Variants in RPA1 observed in about 807,000 individuals in gnomAD.
The protein encoded by RPA1 is replication protein A 70 kDa DNA-binding subunit.
A neutral mutation model predicts 83.0 loss-of-function variants in RPA1; 49 were observed. The observed-to-expected ratio is 0.59, with a 90% CI of 0.47 to 0.75. RPA1 has a LOEUF of 0.75. Among genes scored for constraint, RPA1 ranks in the 30% least tolerant of loss-of-function variants. The probability of loss-of-function intolerance (pLI) is 0.00; values close to 1 mark genes in which losing one functional copy is unlikely to be tolerated. For synonymous variants in RPA1, 279 were observed against 281.8 expected (o/e 0.99, Z 0.10); for missense variants, 693 against 776.1 (o/e 0.89, Z 1.27).
chr17:1,847,524 G>GT (rs894118897), intron 4 of RPA1, among the ~76,000 whole-genome samples: 1 of 152,206 alleles, frequency 6.6e-6, no homozygotes, highest in Admixed American at 6.5e-5. Context: ...CTGAGAGCCT[G>GT]TGTGTGCGGC....
chr17:1,868,044 G>C (rs996584431), intron 5 of RPA1, among the ~76,000 whole-genome samples: 24 of 152,024 alleles, frequency 1.6e-4, no homozygotes, highest in African/African-American at 5.6e-4. Flanking sequence ...TGATCATGCC[G>C]CTGTACTCCA....
At chr17:1,885,141 G>C (rs962012065) in intron 13 of RPA1, among the ~76,000 whole-genome samples, 1 of 152,192 alleles carries the variant, frequency 6.6e-6, no homozygotes, top group Non-Finnish European at 1.5e-5. Context: ...TATCAGCCAA[G>C]CTTATGCAAA....
chr17:1,836,326 T>A (rs1911820972), intron 1 of RPA1, among the ~76,000 whole-genome samples: 1 of 152,020 alleles, frequency 6.6e-6, no homozygotes, highest in Admixed American at 6.6e-5. Flanking sequence ...GCCAGGCTGG[T>A]CTCGAACTCC....
At chr17:1,881,072 T>C (rs1913778268) in intron 12 of RPA1, among the ~76,000 whole-genome samples, 1 of 152,186 alleles carries the variant, frequency 6.6e-6, no homozygotes, top group African/African-American at 2.4e-5. Flanking sequence ...GTCAAGTCTT[T>C]GGTGCCGATC....
intron 5 of RPA1, among the ~76,000 whole-genome samples, chr17:1,863,528 A>AT (rs889772971): frequency 2.0e-5 from 3 of 151,914 alleles, no homozygotes; most frequent in African/African-American, 7.3e-5. Flanking sequence ...TACTTTTTAT[A>AT]TTTTTTTGTA....
chr17:1,847,895 G>A (rs1235969382), intron 4 of RPA1, among the ~76,000 whole-genome samples: 2 of 151,764 alleles, frequency 1.3e-5, no homozygotes, highest in African/African-American at 4.8e-5. Context: ...TGGCGGGTGC[G>A]GCCTGTAATC....
intron 5 of RPA1, among the ~76,000 whole-genome samples, chr17:1,858,656 G>A (rs905318330): frequency 2.6e-5 from 4 of 151,672 alleles, no homozygotes; most frequent in East Asian, 1.9e-4. Flanking sequence ...GTAGAGACGC[G>A]GTTTTGCCAT....
At chr17:1,876,344 C>G (rs542323983) in intron 7 of RPA1, among the ~76,000 whole-genome samples, 10 of 152,252 alleles carry the variant, frequency 6.6e-5, no homozygotes, top group South Asian at 2.1e-4. Flanking sequence ...CACCTGAGGT[C>G]GGGAGTTTGA....
chr17:1,837,701 T>C (rs984560436), intron 1 of RPA1, among the ~76,000 whole-genome samples: 1 of 152,224 alleles, frequency 6.6e-6, no homozygotes, highest in Non-Finnish European at 1.5e-5. Context: ...TTTCGTGGGC[T>C]TACTGGCCAT....
At position 1,879,403 on chromosome 17, in the gene RPA1, T is replaced by C; in HGVS notation, c.948T>C (p.Leu316=). The C allele has an allele frequency of 1.9e-6, 3 of 1,613,948 alleles. No homozygotes were observed. The highest frequency in any genetic ancestry group is 2.5e-6 in the Non-Finnish European group (3 of 1,179,864). ...TCGAGAACAAGTCGAAAGACTCACTTGTAGGTAAGCTCGTGTATGAGAAGG... is the reference window on the plus strand; with the variant it reads ...TCGAGAACAAGTCGAAAGACTCACTCGTAGGTAAGCTCGTGTATGAGAAGG... ...DDLENKSKDS[L]VDIIGICKSY... is the part of the protein sequence containing the mutation. Residue 316 remains leucine, a synonymous_variant, in exon 10 of 17, where the codon CTT becomes CTC. Transcript: ENST00000254719.
In RPA1 at chr17:1,895,052, G is replaced by C. The variant is rs556414801; in HGVS notation, c.1703G>C (p.Arg568Pro). The C allele has an allele frequency of 6.2e-7, 1 of 1,613,580 alleles. No homozygotes were observed. Among genetic ancestry groups the C allele is most frequent in the Non-Finnish European group, 8.5e-7 (1 of 1,179,726 alleles). ...GAAGTTTTCCAGAATGCCAACTTCC[G>C]ATCTTTCATATTCAGAGTCAGGGTC... ...FEEVFQNANFRSFIFRVRVKV... is the reference protein window; with the variant it reads ...FEEVFQNANFPSFIFRVRVKV... The change falls in exon 16 of 17, where the codon CGA (arginine) becomes CCA (proline). Residue 568 changes from arginine (R) to proline (P), a missense_variant. Transcript: ENST00000254719.
intron 1 of RPA1, 41 bp downstream of exon 1, chr17:1,830,167 C>T (rs575462309): frequency 1.3e-5 from 16 of 1,219,238 alleles, no homozygotes; most frequent in Middle Eastern, 2.7e-4. Flanking sequence ...TCCGGGGTGG[C>T]TGCGGCCCCG....
At position 1,840,848 on chromosome 17, in the gene RPA1, C is replaced by T. The variant is rs1912019761; in HGVS notation, c.34-1955C>T. Among the ~76,000 whole-genome samples, 2 of 152,000 alleles carry T rather than the reference C, an allele frequency of 1.3e-5. 1 individual carries two copies. Among genetic ancestry groups the T allele is most frequent in the Admixed American group, 1.3e-4 (2 of 15,262 alleles). ...TTGGGAGGCTGAGGCGGGCAGATCA[C>T]CAGAGGTCAGGAGTTTGAGACCAGC... On this transcript the variant is annotated intron_variant, in intron 1 of 16. Coordinates refer to ENST00000254719, the MANE Select transcript of RPA1 (RefSeq NM_002945.5).
chr17:1,884,193 G>T lies in RPA1; in HGVS notation c.1374+249G>T, dbSNP rs138905873. 6.6e-6 allele frequency among the ~76,000 whole-genome samples: 1 copy of T among 152,168 alleles called. No homozygotes were observed. Among genetic ancestry groups the T allele is most frequent in the African/African-American group, 2.4e-5 (1 of 41,430 alleles). ...AGAACTCTTAGAGTCAATTCCTAGAGGGATCTTGGAGCAGGGGTGACAGTC... is the reference window on the plus strand; with the variant it reads ...AGAACTCTTAGAGTCAATTCCTAGATGGATCTTGGAGCAGGGGTGACAGTC... On this transcript the variant is annotated intron_variant, in intron 13 of 16. Transcript: ENST00000254719. The surrounding 1 kb of genome is among the most constrained non-coding windows in gnomAD (Gnocchi z 4.1).
chr17:1,883,912 G>A lies in RPA1; in HGVS notation c.1342G>A (p.Val448Ile), dbSNP rs1597455305. Residue 448 changes from valine to isoleucine, a missense_variant, in exon 13 of 17, where the codon GTC (valine) becomes ATC (isoleucine). Physicochemically the swap from Val to Ile is conservative, Grantham distance 29. Coordinates refer to ENST00000254719, the MANE Select transcript of RPA1 (RefSeq NM_002945.5). ...SNTNWKTLYE[V>I]KSENLGQGDK... ...CACCAACTGGAAAACCTTGTATGAG[G>A]TCAAATCCGAGAACCTGGGCCAAGG... 3.7e-6 allele frequency: 6 copies of A among 1,614,092 alleles called. No homozygotes were observed. Among genetic ancestry groups the A allele is most frequent in the Non-Finnish European group, 5.1e-6 (6 of 1,180,024 alleles).
Position 1,830,115 on chromosome 17 carries a change from G to A in RPA1, c.22G>A (p.Gly8Arg), listed in dbSNP as rs759600887. 8.0e-7 allele frequency: 1 copy of A among 1,248,898 alleles called. No homozygotes were observed. The highest frequency in any genetic ancestry group is 3.1e-5 in the East Asian group (1 of 31,804). The allele number at this position is 1,248,898 out of a possible 1,614,324, so 77.4% of individuals were successfully genotyped here. A position where few individuals can be genotyped will look rare whatever the true frequency, so the allele number is the denominator to read the frequency against. MVGQLSE[G>R]AIAAIMQKGD... Reference sequence around the variant, plus strand: ...AGCCATGGTCGGCCAACTGAGCGAGGGGGCCATTGCGGTGAGGAGGTGCCG... The same window carrying A: ...AGCCATGGTCGGCCAACTGAGCGAGAGGGCCATTGCGGTGAGGAGGTGCCG... Residue 8 changes from glycine to arginine, a missense_variant, in exon 1 of 17, where the codon GGG becomes AGG. By Grantham distance (125) the Gly-to-Arg change is moderately radical. Transcript: ENST00000254719.
chr17:1,896,850 C>G (rs1465905532), intron 16 of RPA1, among the ~76,000 whole-genome samples: 1 of 152,118 alleles, frequency 6.6e-6, no homozygotes. Flanking sequence ...TGTTTGGGAG[C>G]TTGGGTAAAG....
chr17:1,873,235 T>C (rs1000312728), intron 6 of RPA1, among the ~76,000 whole-genome samples: 7 of 152,238 alleles, frequency 4.6e-5, no homozygotes, highest in African/African-American at 9.6e-5. Flanking sequence ...GTATTACTTA[T>C]ATTGGTCATA....
chr17:1,853,082 T>C lies in RPA1; in HGVS notation c.273-19T>C. On this transcript the variant is annotated intron_variant, in intron 4 of 16. Coordinates refer to ENST00000254719, the MANE Select transcript of RPA1 (RefSeq NM_002945.5). ...AGAATTTGTTTTTCTAACCTGTTTC[T>C]GTTTGTCTGCTTTTGCAGGAGAGTA... 6.2e-7 allele frequency: 1 copy of C among 1,609,958 alleles called. No individual in the cohort carries two copies. The highest frequency in any genetic ancestry group is 8.5e-7 in the Non-Finnish European group (1 of 1,176,278).
Sources: allele counts gnomAD v4.1 joint callset (sites outside exome capture counted in the v4.1 genomes callset), GRCh38; gene constraint gnomAD v4.1.1; non-coding constraint Gnocchi (gnomAD v3.1); transcripts MANE v1.5; gene names NCBI Gene and HGNC (gene_info 2026-07-23, HGNC 2026-07-21).